SLC39A12: variants seen among roughly 807,000 people sequenced by gnomAD.
SLC39A12 encodes the protein solute carrier family 39 member 12.
A neutral mutation model predicts 71.1 loss-of-function variants in SLC39A12; 63 were observed. That is an observed-to-expected ratio of 0.89 (90% CI 0.72 to 1.09). The LOEUF (loss-of-function observed/expected upper bound fraction) is 1.09, where lower values mean the gene tolerates loss of function less well. Ranked by LOEUF, SLC39A12 falls within the 50% of genes least tolerant of loss-of-function variation. The pLI is 0.00. For missense variants in SLC39A12, 892 were observed against 812.6 expected (o/e 1.10, Z -1.19); for synonymous variants, 351 against 301.3 (o/e 1.16, Z -1.71).
At position 17,952,179 on chromosome 10, in the gene SLC39A12, G is replaced by T. The variant is rs575461372; in HGVS notation, c.-87+154G>T. ...CAGTCATTTACCAGCTCATCTCTGG[G>T]CCAGGATCGGACATGAGATGCTGTT... On this transcript the variant is annotated intron_variant, in intron 1 of 12. Coordinates refer to ENST00000377369, the MANE Select transcript of SLC39A12 (RefSeq NM_001145195.2). 1.7e-3 allele frequency among the ~76,000 whole-genome samples: 258 copies of T among 152,220 alleles called. 4 individuals carry two copies. The highest frequency in any genetic ancestry group is 2.7e-3 in the Non-Finnish European group (182 of 68,012).
chr10:17,965,078 G>A (rs905954715), intron 3 of SLC39A12, among the ~76,000 whole-genome samples: 4 of 152,086 alleles, frequency 2.6e-5, no homozygotes, highest in South Asian at 2.1e-4. Flanking sequence ...GTGGTGGCAG[G>A]CACCTGTAAT....
chr10:18,035,987 A>T (rs902144936), intron 12 of SLC39A12, among the ~76,000 whole-genome samples: 74 of 152,152 alleles, frequency 4.9e-4, no homozygotes, highest in Non-Finnish European at 9.7e-4. Flanking sequence ...GACCCACTTG[A>T]GGAGGCAGTC....
At chr10:17,997,989 A>G (rs1157524883) in intron 10 of SLC39A12, among the ~76,000 whole-genome samples, 1 of 152,180 alleles carries the variant, frequency 6.6e-6, no homozygotes, top group African/African-American at 2.4e-5. Context: ...TACTTGTCTT[A>G]TCTTCCACTA....
At chr10:17,963,089 A>G (rs539668477) in intron 3 of SLC39A12, among the ~76,000 whole-genome samples, 1 of 152,230 alleles carries the variant, frequency 6.6e-6, no homozygotes, top group Non-Finnish European at 1.5e-5. Flanking sequence ...TGTGCCCAGG[A>G]GTTTGAGGTT....
chr10:18,041,901 G>A lies in SLC39A12; in HGVS notation c.1948-804G>A, dbSNP rs11012345. On this transcript the variant is annotated intron_variant, in intron 12 of 12. Transcript: ENST00000377369. ...TATATATACACACATATATGTATAT[G>A]TATATATGTATACATATATATATGT... is the stretch of plus-strand genomic sequence containing the variant. Among the ~76,000 whole-genome samples the A allele has an allele frequency of 8.3e-3, 1,217 of 146,520 alleles. 15 individuals carry two copies. The highest frequency in any genetic ancestry group is 0.015 in the Middle Eastern group (4 of 274).
intron 5 of SLC39A12, 102 bp downstream of exon 5, chr10:17,978,176 AT>A (rs1228146221): frequency 1.1e-6 from 1 of 937,030 alleles, no homozygotes; most frequent in Non-Finnish European, 1.5e-6. Flanking sequence ...AGTATTGTGT[AT>A]TATCTTGAAA....
At chr10:18,028,625 G>T (rs1025997071) in intron 12 of SLC39A12, among the ~76,000 whole-genome samples, 3 of 152,136 alleles carry the variant, frequency 2.0e-5, no homozygotes. Context: ...TTTCCTGATG[G>T]TTCTCCTAAT....
intron 12 of SLC39A12, among the ~76,000 whole-genome samples, chr10:18,006,090 A>AG (rs1180575278): frequency 4.6e-5 from 7 of 152,226 alleles, no homozygotes; most frequent in Admixed American, 2.0e-4. Flanking sequence ...TAAGGGGTAA[A>AG]GGGGAACACT....
At chr10:17,996,732 TCACG>T (rs1164968214) in intron 10 of SLC39A12, among the ~76,000 whole-genome samples, 14 of 152,096 alleles carry the variant, frequency 9.2e-5, no homozygotes, top group Middle Eastern at 3.4e-3. Flanking sequence ...GCGCGGTGGC[TCACG>T]CCTGTAATCC....
chr10:18,003,799 G>A (rs538002088), intron 12 of SLC39A12, among the ~76,000 whole-genome samples: 2 of 152,236 alleles, frequency 1.3e-5, no homozygotes, highest in South Asian at 4.1e-4. Flanking sequence ...TAAATAGCCA[G>A]CTATTTTATT....
Position 17,953,553 on chromosome 10 carries a change from TGGGGTCA to T in SLC39A12, c.261+19_261+25del, listed in dbSNP as rs1834462815. On this transcript the variant is annotated intron_variant, in intron 2 of 12. Transcript: ENST00000377369. ...TTGCAATCTGGTTAGTGAAATAGAA[TGGGGTCA>T]GGTATCAGGGCATGTCCAAAAGAAA... The T allele has an allele frequency of 6.2e-7, 1 of 1,613,218 alleles. No homozygotes were observed. Among genetic ancestry groups the T allele is most frequent in the Non-Finnish European group, 8.5e-7 (1 of 1,179,544 alleles).
chr10:17,968,197 CTATT>C (rs750837663), intron 4 of SLC39A12, among the ~76,000 whole-genome samples: 304 of 151,948 alleles, frequency 2.0e-3, no homozygotes, highest in Non-Finnish European at 3.1e-3. Flanking sequence ...ATAGTTTTGA[CTATT>C]TATTTCCAGT....
At chr10:17,996,807 C>A (rs938251582) in intron 10 of SLC39A12, among the ~76,000 whole-genome samples, 7 of 151,940 alleles carry the variant, frequency 4.6e-5, no homozygotes, top group African/African-American at 1.7e-4. Flanking sequence ...ACCATCCTGG[C>A]TAATATGGTG....
chr10:17,953,597 T>G, intron 2 of SLC39A12, 60 bp downstream of exon 2: 1 of 1,550,332 alleles, frequency 6.5e-7, no homozygotes, highest in East Asian at 2.3e-5. Context: ...CAATGGATTC[T>G]ATAGGGATTT....
chr10:18,038,123 G>C (rs1225768554), intron 12 of SLC39A12, among the ~76,000 whole-genome samples: 12 of 143,464 alleles, frequency 8.4e-5, no homozygotes, highest in Non-Finnish European at 1.8e-4. Flanking sequence ...GGAGCCTGTT[G>C]CAACTCCTGA....
chr10:18,025,113 T>C (rs1384406386), intron 12 of SLC39A12, among the ~76,000 whole-genome samples: 1 of 152,246 alleles, frequency 6.6e-6, no homozygotes, highest in Non-Finnish European at 1.5e-5. Context: ...ATCTACCATG[T>C]TTGTTACTGT....
At chr10:18,003,990 C>T (rs1415088626) in intron 12 of SLC39A12, among the ~76,000 whole-genome samples, 3 of 152,124 alleles carry the variant, frequency 2.0e-5, no homozygotes, top group Non-Finnish European at 2.9e-5. Context: ...AAAATTGCAA[C>T]GTATGTTTCC....
chr10:17,996,725 C>T (rs905013703), intron 10 of SLC39A12, among the ~76,000 whole-genome samples: 2 of 152,056 alleles, frequency 1.3e-5, no homozygotes, highest in Non-Finnish European at 2.9e-5. Context: ...CCGGCGGGCG[C>T]GGTGGCTCAC....
At chr10:17,991,447 C>T (rs1835545346) in intron 8 of SLC39A12, 144 bp downstream of exon 8, 1 of 563,558 alleles carries the variant, frequency 1.8e-6, no homozygotes, top group Non-Finnish European at 2.9e-6. Context: ...ATACACAGCT[C>T]CTTCTAATAG....
Sources: allele counts gnomAD v4.1 joint callset (sites outside exome capture counted in the v4.1 genomes callset), GRCh38; gene constraint gnomAD v4.1.1; transcripts MANE v1.5; gene names NCBI Gene and HGNC (gene_info 2026-07-23, HGNC 2026-07-21).